Variants in EBF1 observed in about 807,000 individuals in gnomAD.
EBF1 encodes the protein EBF transcription factor 1, also known as transcription factor COE1.
A neutral mutation model predicts 68.4 loss-of-function variants in EBF1; 10 were observed. The observed-to-expected ratio is 0.15, with a 90% CI of 0.09 to 0.25. The LOEUF is 0.25. EBF1 is among the 10% of genes least tolerant of loss of function. The pLI is 1.00. For missense variants in EBF1, 509 were observed against 794.4 expected (o/e 0.64, Z 4.32); for synonymous variants, 298 against 299.8 (o/e 0.99, Z 0.06).
chr5:159,096,494 C>A (rs1782629447), intron 2 of EBF1, 88 bp from the exon 3 acceptor site: 17 of 1,474,090 alleles, frequency 1.2e-5, no homozygotes, highest in Non-Finnish European at 1.6e-5. Context: ...CAACTTTCCC[C>A]AAGCCGGGAC....
chr5:158,911,171 T>C (rs1805880708), intron 6 of EBF1, among the ~76,000 whole-genome samples: 1 of 152,212 alleles, frequency 6.6e-6, no homozygotes, highest in African/African-American at 2.4e-5. Flanking sequence ...AGGGAACCTC[T>C]GCAAATCTCC....
At chr5:158,837,932 C>A (rs5023238) in intron 7 of EBF1, among the ~76,000 whole-genome samples, 1 of 152,188 alleles carries the variant, frequency 6.6e-6, no homozygotes. Flanking sequence ...ATATAAGGTT[C>A]ATGTCAAGAC....
At chr5:158,897,021 G>A (rs745989595) in intron 6 of EBF1, among the ~76,000 whole-genome samples, 11 of 152,162 alleles carry the variant, frequency 7.2e-5, no homozygotes, top group Non-Finnish European at 1.2e-4. Flanking sequence ...TTGACAGCCA[G>A]TTCATATTTG....
Position 159,064,525 on chromosome 5 carries a change from G to A in EBF1, c.554+8871C>T, listed in dbSNP as rs952798002. Among the ~76,000 whole-genome samples, 9 of 152,256 alleles carry A rather than the reference G, an allele frequency of 5.9e-5. No homozygotes were observed. In the South Asian group the frequency reaches 8.3e-4, roughly 14 times the overall value. On this transcript the variant is annotated intron_variant, in intron 6 of 15. Transcript: ENST00000313708. ...AGAATTTTCTGAGATGGTATACCCC[G>A]ACGTGCTCTAAAACGCTGGAAGTGC...
intron 6 of EBF1, among the ~76,000 whole-genome samples, chr5:159,060,652 T>C (rs544192424): frequency 1.3e-5 from 2 of 152,176 alleles, no homozygotes; most frequent in African/African-American, 4.8e-5. Context: ...AAATTGAATT[T>C]AGTGCTGTTA....
intron 11 of EBF1, among the ~76,000 whole-genome samples, chr5:158,726,070 G>A (rs17056131): frequency 0.043 from 6,554 of 152,146 alleles, 575 homozygotes; most frequent in East Asian, 0.23. Flanking sequence ...AAAAACACTC[G>A]CATCTTTTGC....
intron 6 of EBF1, among the ~76,000 whole-genome samples, chr5:158,874,527 T>C (rs1204146247): frequency 1.3e-5 from 2 of 152,146 alleles, no homozygotes; most frequent in East Asian, 3.9e-4. Context: ...ACGTGTTGGT[T>C]AACACTGAGA....
intron 15 of EBF1, 38 bp from the exon 16 acceptor site, chr5:158,699,180 G>A (rs762718179): frequency 2.9e-5 from 46 of 1,564,834 alleles, no homozygotes; most frequent in South Asian, 3.6e-5. Context: ...GTTTCTTTGC[G>A]TTCAAACTTC....
intron 6 of EBF1, among the ~76,000 whole-genome samples, chr5:158,967,838 C>T (rs9918118): frequency 0.23 from 35,724 of 152,052 alleles, 4,530 homozygotes; most frequent in Non-Finnish European, 0.27. Flanking sequence ...AATGATTCAG[C>T]CAAAACTACA....
intron 6 of EBF1, among the ~76,000 whole-genome samples, chr5:158,931,329 G>A (rs976601782): frequency 3.3e-5 from 5 of 152,178 alleles, no homozygotes; most frequent in Admixed American, 3.3e-4. Flanking sequence ...GAAAAAGCAG[G>A]TGTTCGGGGG....
intron 6 of EBF1, among the ~76,000 whole-genome samples, chr5:158,885,248 T>C (rs989679164): frequency 6.6e-6 from 1 of 152,208 alleles, no homozygotes; most frequent in African/African-American, 2.4e-5. Context: ...GATGATGTTT[T>C]AGAAGCAGCC....
intron 6 of EBF1, among the ~76,000 whole-genome samples, chr5:158,988,190 G>A (rs1759500446): frequency 6.6e-6 from 1 of 152,180 alleles, no homozygotes; most frequent in African/African-American, 2.4e-5. Context: ...CAGTGGACCT[G>A]GCCCATTCTG....
At chr5:159,077,076 G>A (rs909865817) in intron 5 of EBF1, among the ~76,000 whole-genome samples, 2 of 152,188 alleles carry the variant, frequency 1.3e-5, no homozygotes, top group East Asian at 3.9e-4. Flanking sequence ...GGAAGAGACA[G>A]TTTTTACAAG....
chr5:158,792,424 A>C (rs1290949911), intron 9 of EBF1, among the ~76,000 whole-genome samples: 6 of 152,174 alleles, frequency 3.9e-5, no homozygotes, highest in African/African-American at 1.4e-4. Flanking sequence ...CATTGGCAGA[A>C]GATTGGATTG....
chr5:158,979,365 A>G (rs1757452815), intron 6 of EBF1, among the ~76,000 whole-genome samples: 1 of 152,196 alleles, frequency 6.6e-6, no homozygotes, highest in African/African-American at 2.4e-5. Context: ...ACTAAGCCCA[A>G]TTAAAGGTTT....
At chr5:159,029,556 G>C (rs138476767) in intron 6 of EBF1, among the ~76,000 whole-genome samples, 1 of 152,158 alleles carries the variant, frequency 6.6e-6, no homozygotes, top group Non-Finnish European at 1.5e-5. Flanking sequence ...AACCAGCACA[G>C]TTCTGTTGTA....
rs1785279096 is a variant in EBF1, at chr5:158,823,325, C to T, written c.637-8G>A. 6.3e-7 allele frequency: 1 copy of T among 1,596,684 alleles called. No homozygotes were observed. Among genetic ancestry groups the T allele is most frequent in the East Asian group, 2.2e-5 (1 of 44,598 alleles). ...TGTCGTAGACACCACGACCTGGAGA[C>T]ATAAGAAAGAAATGAATGAACATTT... On this transcript the variant is annotated splice_polypyrimidine_tract_variant and splice_region_variant and intron_variant, in intron 7 of 15. Transcript: ENST00000313708.
At chr5:158,930,480 C>G (rs1810637559) in intron 6 of EBF1, among the ~76,000 whole-genome samples, 1 of 152,126 alleles carries the variant, frequency 6.6e-6, no homozygotes, top group Admixed American at 6.5e-5. Flanking sequence ...CTTCCCATGC[C>G]CTGGAGGTAA....
chr5:159,092,211 C>T (rs767958990), intron 4 of EBF1, among the ~76,000 whole-genome samples: 1 of 152,136 alleles, frequency 6.6e-6, no homozygotes, highest in Non-Finnish European at 1.5e-5. Flanking sequence ...CTTCTGGGTC[C>T]TACAGGGCAT....
Sources: gnomAD v4.1 joint callset for allele counts (sites outside exome capture counted in the v4.1 genomes callset) on GRCh38, gnomAD v4.1.1 for gene constraint, MANE v1.5 for transcripts, NCBI Gene and HGNC (gene_info 2026-07-23, HGNC 2026-07-21) for gene names.